TRIM69: variants seen among roughly 807,000 people sequenced by gnomAD.
TRIM69 encodes E3 ubiquitin-protein ligase TRIM69.
TRIM69 carries 29 observed loss-of-function variants against 37.7 expected under a neutral mutation model. That is an observed-to-expected ratio of 0.77 (90% confidence interval 0.57 to 1.05). TRIM69 has a LOEUF of 1.05. TRIM69 is among the 50% of genes least tolerant of loss of function. The pLI is 0.00. For missense variants in TRIM69, 596 were observed against 579.9 expected, an observed-to-expected ratio of 1.03 and a Z score of -0.28; for synonymous variants, 209 against 212.4, an observed-to-expected ratio of 0.98 and a Z score of 0.14.
chr15:44,760,403 T>C (rs3100140), intron 6 of TRIM69, among the ~76,000 whole-genome samples: 138,975 of 152,196 alleles, frequency 0.91, 63,658 homozygotes, highest in Middle Eastern at 0.96. Context: ...CTGAGCAAGA[T>C]AAAATAACAC....
At chr15:44,758,454 C>A in intron 3 of TRIM69, 167 bp from the exon 4 acceptor site, 3 of 1,029,144 alleles carry the variant, frequency 2.9e-6, no homozygotes, top group Non-Finnish European at 4.1e-6. Context: ...AGGAGTAAGT[C>A]TCCCAAAGGA....
intron 1 of TRIM69, among the ~76,000 whole-genome samples, chr15:44,751,472 C>T (rs2087529478): frequency 6.6e-6 from 1 of 151,936 alleles, no homozygotes; most frequent in Non-Finnish European, 1.5e-5. Flanking sequence ...ACTGTGTTGC[C>T]CAGGCTGGTC....
At chr15:44,752,736 C>T (rs184690440) in intron 1 of TRIM69, among the ~76,000 whole-genome samples, 21 of 152,012 alleles carry the variant, frequency 1.4e-4, no homozygotes, top group African/African-American at 2.9e-4. Context: ...TTTTTTCTAG[C>T]ATAACATTTT....
Position 44,756,512 on chromosome 15 carries a change from C to T in TRIM69, c.579+49C>T, listed in dbSNP as rs1414335744. 3.9e-6 allele frequency: 5 copies of T among 1,278,170 alleles called. No individual in the cohort carries two copies. The Admixed American group carries it at 8.1e-5, about 21-fold the overall frequency. The allele number at this position is 1,278,170 out of a possible 1,614,324, so 79.2% of individuals were successfully genotyped here. A position where few individuals can be genotyped will look rare whatever the true frequency, so the allele number is the denominator to read the frequency against. On this transcript the variant is annotated intron_variant, in intron 3 of 6. Coordinates refer to ENST00000329464, the MANE Select transcript of TRIM69 (RefSeq NM_182985.5). ...ATGAGATAGAACTGGAACACACCCT[C>T]CATGTAACTTCAGCTATGGGTACAA...
chr15:44,741,296 C>G (rs945506856), intron 1 of TRIM69, among the ~76,000 whole-genome samples: 23 of 152,194 alleles, frequency 1.5e-4, no homozygotes, highest in South Asian at 4.2e-4. Flanking sequence ...ATACCAGAAT[C>G]TCTGGGACAC....
chr15:44,756,222 A>G, intron 2 of TRIM69, 146 bp from the exon 3 acceptor site: 1 of 586,834 alleles, frequency 1.7e-6, no homozygotes, highest in Admixed American at 2.9e-5. Context: ...TTCTTGAACG[A>G]GACAAGAACT....
rs1453903690 is a variant in TRIM69 at position 44,767,404 on chromosome 15, T to C, written c.1135T>C (p.Tyr379His). 1 of 1,614,036 alleles carries C rather than the reference T, an allele frequency of 6.2e-7. No homozygotes were observed. The highest frequency in any genetic ancestry group is 8.5e-7 in the Non-Finnish European group (1 of 1,180,030). Residue 379 changes from tyrosine to histidine, a missense_variant, in exon 7 of 7, where the codon TAC (tyrosine) becomes CAC (histidine). Coordinates refer to ENST00000329464, the MANE Select transcript of TRIM69 (RefSeq NM_182985.5). ...GSRGFTSGKW[Y>H]WEVEVAKKTK... is the part of the protein sequence containing the mutation. ...AAGAGGCTTCACCTCTGGAAAGTGG[T>C]ACTGGGAAGTAGAAGTAGCAAAGAA... is the stretch of plus-strand genomic sequence containing the variant.
intron 6 of TRIM69, among the ~76,000 whole-genome samples, chr15:44,764,466 C>T (rs573422540): frequency 1.3e-5 from 2 of 152,240 alleles, no homozygotes; most frequent in East Asian, 1.9e-4. Flanking sequence ...TTTCTGCCAG[C>T]CTTATAAATT....
chr15:44,759,926 T>C, intron 6 of TRIM69, 54 bp downstream of exon 6: 1 of 1,571,188 alleles, frequency 6.4e-7, no homozygotes, highest in Non-Finnish European at 8.7e-7. Context: ...ACGTTTAATC[T>C]GTGGGACTTC....
chr15:44,766,765 G>A (rs1162092594), intron 6 of TRIM69, among the ~76,000 whole-genome samples: 1 of 151,854 alleles, frequency 6.6e-6, no homozygotes, highest in Non-Finnish European at 1.5e-5. Context: ...ACAATAAAAA[G>A]CATGTAAGTG....
Position 44,767,249 on chromosome 15 carries a change from T to G in TRIM69, c.980T>G (p.Leu327Arg). 6.2e-7 allele frequency: 1 copy of G among 1,613,810 alleles called. No individual in the cohort carries two copies. The highest frequency in any genetic ancestry group is 8.5e-7 in the Non-Finnish European group (1 of 1,179,944). The part of the protein sequence containing the change: ...TLCPGLSPLT[L>R]DPKTAHPNLV... ...TTACTAGGCCTGTCTCCACTAACTC[T>G]GGACCCTAAAACAGCTCACCCAAAT... The change falls in exon 7 of 7, where the codon CTG becomes CGG. Residue 327 changes from leucine (L) to arginine (R), a missense_variant. By Grantham distance (102) the Leu-to-Arg change is moderately radical (BLOSUM62 -2). Transcript: ENST00000329464.
intron 1 of TRIM69, among the ~76,000 whole-genome samples, chr15:44,744,747 T>G (rs2141314021): frequency 6.6e-6 from 1 of 152,268 alleles, no homozygotes; most frequent in Non-Finnish European, 1.5e-5. Context: ...TGGACCTTAT[T>G]CCCAAAGAAC....
chr15:44,749,172 G>A (rs148877808), intron 1 of TRIM69, among the ~76,000 whole-genome samples: 14 of 152,226 alleles, frequency 9.2e-5, no homozygotes, highest in African/African-American at 3.4e-4. Context: ...GATTACAGGC[G>A]TGAGCCATCA....
intron 1 of TRIM69, among the ~76,000 whole-genome samples, chr15:44,746,701 T>C (rs1239768732): frequency 1.3e-5 from 2 of 152,080 alleles, no homozygotes; most frequent in Non-Finnish European, 2.9e-5. Context: ...GTCAAATTCA[T>C]ATATTGAGGA....
intron 6 of TRIM69, among the ~76,000 whole-genome samples, chr15:44,766,791 T>C (rs2087895907): frequency 6.6e-6 from 1 of 151,884 alleles, no homozygotes; most frequent in African/African-American, 2.4e-5. Flanking sequence ...GTGCGGTGGC[T>C]CATGCCTGTA....
chr15:44,761,827 T>TA (rs1201222652), intron 6 of TRIM69, among the ~76,000 whole-genome samples: 1 of 152,180 alleles, frequency 6.6e-6, no homozygotes, highest in African/African-American at 2.4e-5. Flanking sequence ...CATTCATATA[T>TA]TTTTTTGGTT....
At chr15:44,743,952 C>A (rs939420528) in intron 1 of TRIM69, among the ~76,000 whole-genome samples, 6 of 152,162 alleles carry the variant, frequency 3.9e-5, no homozygotes, top group African/African-American at 1.2e-4. Context: ...AATCCCATTA[C>A]AGGGTATATA....
At chr15:44,743,109 A>T (rs2087327534) in intron 1 of TRIM69, among the ~76,000 whole-genome samples, 1 of 152,182 alleles carries the variant, frequency 6.6e-6, no homozygotes, top group South Asian at 2.1e-4. Flanking sequence ...ACTGGTACCA[A>T]AACAGAGATA....
chr15:44,748,388 G>C (rs1874267935), intron 1 of TRIM69, among the ~76,000 whole-genome samples: 1 of 152,160 alleles, frequency 6.6e-6, no homozygotes, highest in South Asian at 2.1e-4. Flanking sequence ...ATCACTGAAT[G>C]TTTATTTACA....
Sources: gnomAD v4.1 joint callset for allele counts (sites outside exome capture counted in the v4.1 genomes callset) on GRCh38, gnomAD v4.1.1 for gene constraint, MANE v1.5 for transcripts, NCBI Gene and HGNC (gene_info 2026-07-23, HGNC 2026-07-21) for gene names.